CRLS1: variants seen among roughly 807,000 people sequenced by gnomAD.
CRLS1 encodes the protein cardiolipin synthase (CMP-forming).
A neutral mutation model predicts 37.0 loss-of-function variants in CRLS1; 24 were observed. The observed-to-expected ratio is 0.65, with a 90% CI of 0.47 to 0.91. The LOEUF (loss-of-function observed/expected upper bound fraction) is 0.91, where lower values mean the gene tolerates loss of function less well. Ranked by LOEUF, CRLS1 falls within the 40% of genes least tolerant of loss-of-function variation. The pLI is 0.00. For synonymous variants in CRLS1, 135 were observed against 159.7 expected (o/e 0.85, Z 1.17); for missense variants, 373 against 395.8 (o/e 0.94, Z 0.49).
upstream of CRLS1, chr20:6,006,054 C>T: frequency 2.7e-6 from 1 of 363,964 alleles, no homozygotes; most frequent in Non-Finnish European, 4.9e-6. Context: ...GTAAAAGCGT[C>T]GCGAAGGCGT....
intron 2 of CRLS1, among the ~76,000 whole-genome samples, chr20:6,013,113 T>C (rs73603035): frequency 0.018 from 2,770 of 152,130 alleles, 87 homozygotes; most frequent in African/African-American, 0.064. Flanking sequence ...TTTAAAAAGA[T>C]ATATACTGGG....
intron 3 of CRLS1, among the ~76,000 whole-genome samples, chr20:6,025,228 A>G (rs1457875347): frequency 1.3e-5 from 2 of 152,230 alleles, no homozygotes; most frequent in Non-Finnish European, 2.9e-5. Context: ...AGGCCAATGA[A>G]GCCAGTGAGT....
chr20:6,023,878 G>A (rs1399688789), intron 3 of CRLS1, among the ~76,000 whole-genome samples: 1 of 151,552 alleles, frequency 6.6e-6, no homozygotes, highest in Non-Finnish European at 1.5e-5. Flanking sequence ...ACAGATTCAA[G>A]GTTTGGCAAC....
Position 6,006,241 on chromosome 20 carries a change from A to C in CRLS1, c.-6A>C. Reference sequence around the variant, plus strand: ...GCCCGAGACCCCGCGGCGCGGCCGCAGGGCCATGCTAGCCTTGCGCGTGGC... The same window carrying C: ...GCCCGAGACCCCGCGGCGCGGCCGCCGGGCCATGCTAGCCTTGCGCGTGGC... On this transcript the variant is annotated 5_prime_UTR_variant, in exon 1 of 7. Coordinates refer to ENST00000378863, the MANE Select transcript of CRLS1 (RefSeq NM_019095.6). 1 of 1,224,122 alleles carries C rather than the reference A, an allele frequency of 8.2e-7. No homozygotes were observed. Among genetic ancestry groups the C allele is most frequent in the Non-Finnish European group, 1.0e-6 (1 of 982,866 alleles). The allele number at this position is 1,224,122 out of a possible 1,614,324, so 75.8% of individuals were successfully genotyped here. A position where few individuals can be genotyped will look rare whatever the true frequency, so the allele number is the denominator to read the frequency against.
intron 3 of CRLS1, among the ~76,000 whole-genome samples, chr20:6,027,412 G>T (rs1335201268): frequency 1.3e-5 from 2 of 149,850 alleles, no homozygotes; most frequent in African/African-American, 2.5e-5. Flanking sequence ...TTTGTTTTTT[G>T]TTTGTTTGTT....
chr20:6,010,831 A>ACATAG (rs1453351201), intron 2 of CRLS1, among the ~76,000 whole-genome samples: 1 of 152,194 alleles, frequency 6.6e-6, no homozygotes, highest in African/African-American at 2.4e-5. Context: ...AACCTGCACA[A>ACATAG]CATAGCAAGA....
At chr20:6,017,862 T>C (rs529844784) in intron 3 of CRLS1, among the ~76,000 whole-genome samples, 23 of 152,348 alleles carry the variant, frequency 1.5e-4, no homozygotes, top group African/African-American at 4.8e-4. Flanking sequence ...ATAAACACTT[T>C]TGTTAGACTT....
At chr20:6,006,034 C>T, upstream of CRLS1, 1 of 354,724 alleles carries the variant, frequency 2.8e-6, no homozygotes, top group Non-Finnish European at 5.0e-6. Context: ...AGCCCGACGA[C>T]GACGGTGTCG....
At chr20:6,017,219 C>T (rs1978829944) in intron 3 of CRLS1, among the ~76,000 whole-genome samples, 1 of 152,148 alleles carries the variant, frequency 6.6e-6, no homozygotes, top group African/African-American at 2.4e-5. Flanking sequence ...AATTTTTAAA[C>T]TGCAGATGAT....
At chr20:6,010,977 A>G (rs919187818) in intron 2 of CRLS1, among the ~76,000 whole-genome samples, 1 of 152,048 alleles carries the variant, frequency 6.6e-6, no homozygotes, top group Non-Finnish European at 1.5e-5. Context: ...TGATCGCACC[A>G]CTGTACTCTA....
At chr20:6,029,245 G>A (rs1017213938) in intron 3 of CRLS1, among the ~76,000 whole-genome samples, 1 of 151,992 alleles carries the variant, frequency 6.6e-6, no homozygotes, top group Non-Finnish European at 1.5e-5. Context: ...AACCTAATGC[G>A]CTGACCCAAA....
At chr20:6,008,253 G>C (rs2090086377) in intron 1 of CRLS1, among the ~76,000 whole-genome samples, 1 of 152,132 alleles carries the variant, frequency 6.6e-6, no homozygotes, top group South Asian at 2.1e-4. Flanking sequence ...AGGTTAAAAG[G>C]GGTTCTAGAG....
Position 6,009,768 on chromosome 20 carries a change from G to A in CRLS1, c.307-7G>A, listed in dbSNP as rs1173555186. ...TTTACTTAAATTTTGTTGTCTTTGT[G>A]TTTCAGTATGAAAACCCATGGACAA... On this transcript the variant is annotated splice_region_variant and splice_polypyrimidine_tract_variant and intron_variant, in intron 1 of 6. Coordinates refer to ENST00000378863, the MANE Select transcript of CRLS1 (RefSeq NM_019095.6). The A allele has an allele frequency of 6.2e-7, 1 of 1,603,322 alleles. No individual in the cohort carries two copies. Among genetic ancestry groups the A allele is most frequent in the East Asian group, 2.2e-5 (1 of 44,588 alleles).
chr20:6,010,136 A>G (rs931814819), intron 2 of CRLS1, among the ~76,000 whole-genome samples: 2 of 151,904 alleles, frequency 1.3e-5, no homozygotes, highest in Non-Finnish European at 2.9e-5. Flanking sequence ...AGGGAAGTAA[A>G]GGAGGGGATA....
At chr20:6,031,924 TA>T in intron 4 of CRLS1, 87 bp from the exon 5 acceptor site, 1 of 921,094 alleles carries the variant, frequency 1.1e-6, no homozygotes, top group Non-Finnish European at 1.7e-6. Flanking sequence ...TGTTGTTACC[TA>T]AGTATAATAA....
chr20:6,023,247 C>G (rs6139895), intron 3 of CRLS1: 72,552 of 151,988 alleles, frequency 0.48, 17,692 homozygotes, highest in East Asian at 0.58. Flanking sequence ...TCTGTTGATT[C>G]TTACTCATGG....
intron 3 of CRLS1, among the ~76,000 whole-genome samples, chr20:6,025,163 A>G (rs1263397971): frequency 6.6e-6 from 1 of 152,238 alleles, no homozygotes; most frequent in Non-Finnish European, 1.5e-5. Flanking sequence ...AAGCTTTCAT[A>G]GGTAGAGAGA....
Position 6,006,447 on chromosome 20 carries a change from C to T in CRLS1, c.201C>T (p.Asn67=), listed in dbSNP as rs992519470. The change falls in exon 1 of 7, where the codon AAC becomes AAT. Residue 67 remains asparagine, a synonymous_variant. Coordinates refer to ENST00000378863, the MANE Select transcript of CRLS1 (RefSeq NM_019095.6). ...GLRLPGIGQR[N]HCSGAGKAAP... is the part of the protein sequence containing the mutation. ...GGCTGCCCGGGATCGGCCAGCGGAA[C>T]CACTGTTCGGGCGCGGGGAAGGCGG... 1 of 1,408,332 alleles carries T rather than the reference C, an allele frequency of 7.1e-7. No individual in the cohort carries two copies. The highest frequency in any genetic ancestry group is 9.2e-7 in the Non-Finnish European group (1 of 1,082,428). 87.2% of individuals were successfully genotyped at this position (1,408,332 alleles called of 1,614,324 possible).
At chr20:6,029,419 C>T (rs1433427391) in intron 3 of CRLS1, among the ~76,000 whole-genome samples, 1 of 146,076 alleles carries the variant, frequency 6.8e-6, no homozygotes, top group Non-Finnish European at 1.5e-5. Context: ...GGCTGGAGTG[C>T]AATGGCACGA....
Sources: allele counts gnomAD v4.1 joint callset (sites outside exome capture counted in the v4.1 genomes callset), GRCh38; gene constraint gnomAD v4.1.1; transcripts MANE v1.5; gene names NCBI Gene and HGNC (gene_info 2026-07-23, HGNC 2026-07-21).